Variants in PIWIL4 observed in about 807,000 individuals in gnomAD.
The protein encoded by PIWIL4 is piwi like RNA-mediated gene silencing 4.
In PIWIL4, 50 loss-of-function variants were observed where a neutral mutation model predicts 100.9. The observed-to-expected ratio is 0.50, with a 90% CI of 0.39 to 0.63. The LOEUF (loss-of-function observed/expected upper bound fraction) is 0.63, where lower values mean the gene tolerates loss of function less well. PIWIL4 is among the 20% of genes least tolerant of loss of function. The pLI is 0.00. For missense variants in PIWIL4, 887 were observed against 1,043.3 expected, an observed-to-expected ratio of 0.85 and a Z score of 2.06; for synonymous variants, 342 against 367.5, an observed-to-expected ratio of 0.93 and a Z score of 0.79.
At chr11:94,585,279 A>G (rs1235269439) in intron 5 of PIWIL4, among the ~76,000 whole-genome samples, 166 bp from the exon 6 acceptor site, 1 of 152,250 alleles carries the variant, frequency 6.6e-6, no homozygotes, top group Non-Finnish European at 1.5e-5. Flanking sequence ...ATAGTTCTTT[A>G]TAGACATTCA....
chr11:94,607,890 T>A (rs1227913656), intron 14 of PIWIL4, among the ~76,000 whole-genome samples: 1 of 152,156 alleles, frequency 6.6e-6, no homozygotes, highest in Non-Finnish European at 1.5e-5. Context: ...TATTTTAAAA[T>A]CTGTGTTCCA....
intron 8 of PIWIL4, among the ~76,000 whole-genome samples, 192 bp downstream of exon 8, chr11:94,589,424 T>C (rs1044656232): frequency 6.6e-6 from 1 of 152,138 alleles, no homozygotes; most frequent in African/African-American, 2.4e-5. Context: ...GTTTCCTTCT[T>C]CCTGTAGTCT....
At chr11:94,613,486 G>A (rs1948809529) in intron 15 of PIWIL4, among the ~76,000 whole-genome samples, 1 of 152,154 alleles carries the variant, frequency 6.6e-6, no homozygotes, top group African/African-American at 2.4e-5. Context: ...GTACCTGGAT[G>A]TTCCTATCTC....
At chr11:94,601,726 A>G (rs1948644635) in intron 11 of PIWIL4, 69 bp from the exon 12 acceptor site, 2 of 1,529,796 alleles carry the variant, frequency 1.3e-6, no homozygotes, top group Admixed American at 1.8e-5. Context: ...GGCCATCTTC[A>G]CACTGTCTTT....
intron 4 of PIWIL4, among the ~76,000 whole-genome samples, chr11:94,579,926 AC>A (rs1290987464): frequency 1.3e-5 from 2 of 152,352 alleles, no homozygotes; most frequent in Middle Eastern, 6.8e-3. Context: ...AAATTTAGAT[AC>A]GTTGAAATTA....
At chr11:94,594,456 A>C in intron 9 of PIWIL4, among the ~76,000 whole-genome samples, 1 of 140,994 alleles carries the variant, frequency 7.1e-6, no homozygotes. Context: ...ACAGAGCAAG[A>C]CTCTGTCTCC....
chr11:94,577,508 T>A lies in PIWIL4; in HGVS notation c.513+16T>A, dbSNP rs576942566. On this transcript the variant is annotated intron_variant, in intron 4 of 19. Transcript: ENST00000299001. ...AGAAGAAAAGGTATAGTATGATTAG[T>A]TTTTTTACTGTATATGTGGGTGTGT... 6.3e-7 allele frequency: 1 copy of A among 1,591,176 alleles called. No homozygotes were observed. Among genetic ancestry groups the A allele is most frequent in the Non-Finnish European group, 8.6e-7 (1 of 1,163,642 alleles).
chr11:94,617,941 C>T lies in PIWIL4; in HGVS notation c.2015-13C>T, dbSNP rs746449963. Reference sequence around the variant, plus strand: ...AAAAGTAATTCTTTTCTTACTGACACCAAATTCTGCAGGAGCACTCAACAA... The same window carrying T: ...AAAAGTAATTCTTTTCTTACTGACATCAAATTCTGCAGGAGCACTCAACAA... On this transcript the variant is annotated splice_polypyrimidine_tract_variant and intron_variant, in intron 16 of 19. Transcript: ENST00000299001. 5 of 1,612,824 alleles carry T rather than the reference C, an allele frequency of 3.1e-6. No homozygotes were observed. The highest frequency in any genetic ancestry group is 4.2e-6 in the Non-Finnish European group (5 of 1,179,006).
intron 17 of PIWIL4, among the ~76,000 whole-genome samples, chr11:94,619,216 C>G (rs1206841747): frequency 6.6e-6 from 1 of 152,164 alleles, no homozygotes; most frequent in Non-Finnish European, 1.5e-5. Flanking sequence ...TAGGATTTCG[C>G]CTTGGCTTTA....
At position 94,568,816 on chromosome 11, in the gene PIWIL4, C is replaced by T. The variant is rs1392225148; in HGVS notation, c.166+8C>T. ...GCAGGATCTCAACCAACGGTAAGTG[C>T]AGCTCAGCCTGTTCATTTAGTACCA... On this transcript the variant is annotated splice_region_variant and intron_variant, in intron 2 of 19. Coordinates refer to ENST00000299001, the MANE Select transcript of PIWIL4 (RefSeq NM_152431.3). The T allele has an allele frequency of 6.3e-7, 1 of 1,586,044 alleles. No homozygotes were observed. The highest frequency in any genetic ancestry group is 1.1e-5 in the South Asian group (1 of 90,492).
At position 94,608,594 on chromosome 11, in the gene PIWIL4, G is replaced by A; in HGVS notation, c.1851G>A (p.Leu617=). 6.2e-7 allele frequency: 1 copy of A among 1,613,900 alleles called. No homozygotes were observed. The highest frequency in any genetic ancestry group is 1.7e-4 in the Middle Eastern group (1 of 6,060). The change falls in exon 15 of 20, where the codon CTG becomes CTA. Residue 617 remains leucine, a synonymous_variant. Transcript: ENST00000299001. ...ATTTAATTTTATAGTTAAAGTCCCT[G>A]ATGGTGGTCGGTATTGATGTCTGTA... is the stretch of plus-strand genomic sequence containing the variant. ...LWAVEIPLKS[L]MVVGIDVCKD...
intron 15 of PIWIL4, among the ~76,000 whole-genome samples, chr11:94,612,641 T>C (rs542847156): frequency 6.6e-6 from 1 of 152,290 alleles, no homozygotes; most frequent in African/African-American, 2.4e-5. Context: ...CTGTCTTCCT[T>C]TGTGATTTGA....
In PIWIL4 at chr11:94,620,945, C is replaced by T; in HGVS notation, c.2512C>T (p.His838Tyr). Residue 838 changes from histidine (H) to tyrosine (Y), a missense_variant, in exon 20 of 20, where the codon CAT (histidine) becomes TAT (tyrosine). This residue lies in a region of PIWIL4 where 741 missense variants were observed against 930.0 expected (regional missense o/e 0.80). Coordinates refer to ENST00000299001, the MANE Select transcript of PIWIL4 (RefSeq NM_152431.3). ...GACCTTTCTGGTGGCACAAAGCATTCATAAAGAACCCAGTCTGGAATTAGC... is the reference window on the plus strand; with the variant it reads ...GACCTTTCTGGTGGCACAAAGCATTTATAAAGAACCCAGTCTGGAATTAGC... ...KLTFLVAQSI[H>Y]KEPSLELANH... 1.9e-6 allele frequency: 3 copies of T among 1,613,758 alleles called. No individual in the cohort carries two copies. The highest frequency in any genetic ancestry group is 2.5e-6 in the Non-Finnish European group (3 of 1,179,926).
In PIWIL4 at chr11:94,607,413, A is replaced by G. The variant is rs113592073; in HGVS notation, c.1639-26A>G. 31 of 1,594,386 alleles carry G rather than the reference A, an allele frequency of 1.9e-5. No individual in the cohort carries two copies. In the African/African-American group the frequency reaches 2.8e-4, roughly 15 times the overall value. On this transcript the variant is annotated intron_variant, in intron 13 of 19. Transcript: ENST00000299001. ...CTTAGCAGAAGTAAATTAACTTCCA[A>G]AATCTTTTGCTGTTTTTGCTTTTAG...
intron 4 of PIWIL4, among the ~76,000 whole-genome samples, chr11:94,579,859 A>G (rs946556059): frequency 1.4e-4 from 22 of 152,206 alleles, no homozygotes. Flanking sequence ...GATATATTTC[A>G]AGTCTGTTGT....
chr11:94,595,509 G>A (rs1948545158), intron 10 of PIWIL4, 83 bp downstream of exon 10: 2 of 1,063,056 alleles, frequency 1.9e-6, no homozygotes, highest in Non-Finnish European at 2.8e-6. Context: ...ATTCCTTGAA[G>A]GAAATGTGTC....
chr11:94,601,645 G>A (rs756646744), intron 11 of PIWIL4, 150 bp from the exon 12 acceptor site: 59 of 739,170 alleles, frequency 8.0e-5, no homozygotes, highest in South Asian at 1.1e-4. Context: ...TATTCTGTTC[G>A]GATGTGCAGT....
chr11:94,621,388 G>T lies in PIWIL4; in HGVS notation c.*396G>T. On this transcript the variant is annotated 3_prime_UTR_variant, in exon 20 of 20. Coordinates refer to ENST00000299001, the MANE Select transcript of PIWIL4 (RefSeq NM_152431.3). Reference sequence around the variant, plus strand: ...ATGTTGTAGAGCATTTTGTAGAGTGGTTTAAATAGTTGAAAATAAAGTTCA... The same window carrying T: ...ATGTTGTAGAGCATTTTGTAGAGTGTTTTAAATAGTTGAAAATAAAGTTCA... 6.1e-6 allele frequency: 1 copy of T among 164,516 alleles called. No homozygotes were observed. The highest frequency in any genetic ancestry group is 1.3e-5 in the Non-Finnish European group (1 of 76,034). The allele number at this position is 164,516 out of a possible 1,614,324, so 10.2% of individuals were successfully genotyped here.
chr11:94,595,402 C>T lies in PIWIL4; in HGVS notation c.1244C>T (p.Ala415Val), dbSNP rs1948543026. Residue 415 changes from alanine to valine, a missense_variant, in exon 10 of 20, where the codon GCC (alanine) becomes GTC (valine). Coordinates refer to ENST00000299001, the MANE Select transcript of PIWIL4 (RefSeq NM_152431.3). ...LSPSGRQQRL[A>V]RLVDNIQRNT... The stretch of plus-strand genomic sequence containing the variant: ...CCTTCAGGCCGGCAGCAGCGCCTGG[C>T]CAGGCTTGTGGACAACATCCAGAGG... The T allele has an allele frequency of 3.7e-6, 6 of 1,613,714 alleles. No homozygotes were observed. In the South Asian group the frequency reaches 6.6e-5, roughly 18 times the overall value.
Sources: gnomAD v4.1 joint callset for allele counts (sites outside exome capture counted in the v4.1 genomes callset) on GRCh38, gnomAD v4.1.1 for gene constraint, gnomAD v4.1.1 regional missense constraint, MANE v1.5 for transcripts, NCBI Gene and HGNC (gene_info 2026-07-23, HGNC 2026-07-21) for gene names.